The following MICAL2 variants were observed in gnomAD, a reference collection of about 807,000 sequenced individuals.
The protein encoded by MICAL2 is [F-actin]-monooxygenase MICAL2.
A neutral mutation model predicts 127.3 loss-of-function variants in MICAL2; 77 were observed. That is an observed-to-expected ratio of 0.60 (90% CI 0.50 to 0.73). MICAL2 has a LOEUF of 0.73. Ranked by LOEUF, MICAL2 falls within the 30% of genes least tolerant of loss-of-function variation. MICAL2 has a pLI of 0.00. For synonymous variants in MICAL2, 570 were observed against 551.1 expected (o/e 1.03, Z -0.48); for missense variants, 1,351 against 1,434.4 (o/e 0.94, Z 0.94).
chr11:12,239,579 G>A lies in MICAL2; in HGVS notation c.2208G>A (p.Met736Ile), dbSNP rs1304003519. Reference protein sequence around the residue: ...FEESTRNPSLMKQERRVSGIG... With the variant: ...FEESTRNPSLIKQERRVSGIG... ...AGAGCACTCGGAACCCCTCACTCAT[G>A]AAGCAGGTGAGTCATGTCAAATACT... Residue 736 changes from methionine to isoleucine, a missense_variant, in exon 17 of 28, where the codon ATG (methionine) becomes ATA (isoleucine). Physicochemically the swap from Met to Ile is conservative, Grantham distance 10. This residue lies in a region of MICAL2 where 752 missense variants were observed against 719.4 expected (regional missense o/e 1.05). Transcript: ENST00000683283. 6 of 1,614,060 alleles carry A rather than the reference G, an allele frequency of 3.7e-6. No homozygotes were observed. The highest frequency in any genetic ancestry group is 5.1e-6 in the Non-Finnish European group (6 of 1,179,982).
At chr11:12,215,676 T>C (rs1227854415) in intron 7 of MICAL2, among the ~76,000 whole-genome samples, 2 of 152,238 alleles carry the variant, frequency 1.3e-5, no homozygotes, top group African/African-American at 2.4e-5. Flanking sequence ...TGTCTTGTGA[T>C]TGGTGGAAAG....
intron 32 of MICAL2, among the ~76,000 whole-genome samples, chr11:12,334,221 A>G (rs557697599): frequency 2.1e-4 from 32 of 152,200 alleles, no homozygotes; most frequent in Non-Finnish European, 4.3e-4. Flanking sequence ...GAGGATGCTC[A>G]AGTCCCTGAT....
downstream of MICAL2, among the ~76,000 whole-genome samples, chr11:12,361,413 A>C (rs1331550843): frequency 1.3e-5 from 2 of 152,236 alleles, no homozygotes; most frequent in Non-Finnish European, 2.9e-5. Context: ...AATAGGTACC[A>C]TCCCCAAATA....
intron 10 of MICAL2, among the ~76,000 whole-genome samples, chr11:12,222,030 G>A (rs1002290644): frequency 2.0e-5 from 3 of 152,192 alleles, no homozygotes; most frequent in African/African-American, 7.2e-5. Context: ...TGCAGCTGGG[G>A]CTCCCCAGCA....
intron 31 of MICAL2, among the ~76,000 whole-genome samples, chr11:12,325,398 C>A (rs1316727002): frequency 6.6e-6 from 1 of 152,186 alleles, no homozygotes; most frequent in Non-Finnish European, 1.5e-5. Context: ...GTGTGAGCCA[C>A]CGTGCCCAGC....
At chr11:12,300,186 T>A (rs1113854) in intron 29 of MICAL2, among the ~76,000 whole-genome samples, 1 of 151,682 alleles carries the variant, frequency 6.6e-6, no homozygotes, top group African/African-American at 2.4e-5. Context: ...CCCAGCTACT[T>A]GGGTGGTTGA....
chr11:12,347,114 C>G (rs899693793), intron 32 of MICAL2, among the ~76,000 whole-genome samples: 1 of 151,938 alleles, frequency 6.6e-6, no homozygotes, highest in East Asian at 1.9e-4. Flanking sequence ...TTCCCCATTG[C>G]CTTGTGTTTC....
intron 6 of MICAL2, among the ~76,000 whole-genome samples, chr11:12,211,100 C>A (rs904168598): frequency 1.3e-5 from 2 of 152,168 alleles, no homozygotes; most frequent in African/African-American, 4.8e-5. Flanking sequence ...AGGTTGTTGG[C>A]CAGGCGTGGT....
chr11:12,183,317 G>C (rs552773472), intron 3 of MICAL2, among the ~76,000 whole-genome samples: 1 of 152,210 alleles, frequency 6.6e-6, no homozygotes, highest in East Asian at 1.9e-4. Flanking sequence ...TTTCAGAGTG[G>C]GTGAACACGT....
chr11:12,278,089 G>A (rs951292335), intron 1 of MICAL2, among the ~76,000 whole-genome samples: 7 of 152,192 alleles, frequency 4.6e-5, no homozygotes, highest in African/African-American at 9.7e-5. Context: ...TGAGTGAGTG[G>A]GTGAGTGGTG....
chr11:12,360,119 T>TAAAAA (rs369069433), downstream of MICAL2, among the ~76,000 whole-genome samples: 10,416 of 144,816 alleles, frequency 0.072, 708 homozygotes, highest in East Asian at 0.39. Context: ...TTTTTTTTTT[T>TAAAAA]AAAAAAAAAA....
intron 27 of MICAL2, chr11:12,262,754 T>C (rs971100663): frequency 5.5e-5 from 30 of 545,762 alleles, no homozygotes; most frequent in African/African-American, 4.7e-4. Context: ...GGCAGCCTGG[T>C]CTACCCCAAG....
chr11:12,280,461 G>A (rs1863760412), intron 1 of MICAL2, among the ~76,000 whole-genome samples: 1 of 152,222 alleles, frequency 6.6e-6, no homozygotes, highest in Admixed American at 6.5e-5. Flanking sequence ...CACTGATTTG[G>A]AGGCTGGAAG....
chr11:12,306,346 T>A (rs777324116), intron 29 of MICAL2, among the ~76,000 whole-genome samples: 1 of 152,162 alleles, frequency 6.6e-6, no homozygotes, highest in African/African-American at 2.4e-5. Context: ...TGGTACACTA[T>A]ATTTCATTGT....
At chr11:12,256,651 TGCAGTG>T (rs1472253323) in intron 23 of MICAL2, 128 bp from the exon 24 acceptor site, 4 of 800,002 alleles carry the variant, frequency 5.0e-6, no homozygotes, top group Non-Finnish European at 7.7e-6. Flanking sequence ...CCCTCTTTGC[TGCAGTG>T]GCAGTAGCAG....
chr11:12,130,338 A>G (rs972759935), intron 1 of MICAL2, among the ~76,000 whole-genome samples: 6 of 152,088 alleles, frequency 3.9e-5, no homozygotes, highest in Non-Finnish European at 7.4e-5. Context: ...TGTAGAGCCC[A>G]GAATCACTGC....
At chr11:12,340,010 G>A (rs1310056467) in intron 32 of MICAL2, among the ~76,000 whole-genome samples, 8 of 152,256 alleles carry the variant, frequency 5.3e-5, no homozygotes, top group South Asian at 4.2e-4. Context: ...CTTCTGCGTC[G>A]CTCACGCTGG....
chr11:12,314,228 C>T (rs1265735885), intron 29 of MICAL2, among the ~76,000 whole-genome samples: 1 of 151,502 alleles, frequency 6.6e-6, no homozygotes, highest in Non-Finnish European at 1.5e-5. Flanking sequence ...TTTCATTTGT[C>T]TCATCTGACT....
At chr11:12,281,569 GTTT>G (rs1350185845) in intron 2 of MICAL2, among the ~76,000 whole-genome samples, 1 of 152,202 alleles carries the variant, frequency 6.6e-6, no homozygotes, top group East Asian at 1.9e-4. Flanking sequence ...CATTACCAGT[GTTT>G]GGGGCTTGTG....
Sources: allele counts gnomAD v4.1 joint callset (sites outside exome capture counted in the v4.1 genomes callset), GRCh38; gene constraint gnomAD v4.1.1; regional missense constraint gnomAD v4.1.1; transcripts MANE v1.5; gene names NCBI Gene and HGNC (gene_info 2026-07-23, HGNC 2026-07-21).